HIP1: variants seen among roughly 807,000 people sequenced by gnomAD.
HIP1 encodes huntingtin-interacting protein 1.
Under a neutral mutation model 147.6 loss-of-function variants are expected in HIP1, and 65 were observed. The observed-to-expected ratio is 0.44, with a 90% CI of 0.36 to 0.54. The LOEUF (loss-of-function observed/expected upper bound fraction) is 0.54, where lower values mean the gene tolerates loss of function less well. Ranked by LOEUF, HIP1 falls within the 20% of genes least tolerant of loss-of-function variation. The pLI, the probability that HIP1 is intolerant of heterozygous loss-of-function variation, is 0.00. For synonymous variants in HIP1, 479 were observed against 504.0 expected, an observed-to-expected ratio of 0.95 and a Z score of 0.67; for missense variants, 1,061 against 1,299.6, an observed-to-expected ratio of 0.82 and a Z score of 2.82.
At chr7:75,666,217 G>A (rs1268980250) in intron 1 of HIP1, among the ~76,000 whole-genome samples, 4 of 151,606 alleles carry the variant, frequency 2.6e-5, no homozygotes, top group South Asian at 2.1e-4. Context: ...TGCCCAGGCC[G>A]GAGTGCAGTG....
At chr7:75,538,301 A>G (rs1482799582) in intron 30 of HIP1, 77 bp from the exon 31 acceptor site, 2 of 1,057,784 alleles carry the variant, frequency 1.9e-6, no homozygotes, top group Non-Finnish European at 3.0e-6. Flanking sequence ...ACCTGCCACC[A>G]TGGGGGCTCA....
intron 1 of HIP1, among the ~76,000 whole-genome samples, chr7:75,697,306 C>T (rs192849338): frequency 8.6e-5 from 13 of 151,942 alleles, no homozygotes; most frequent in Non-Finnish European, 1.5e-4. Flanking sequence ...GTGTTTTCAC[C>T]AGCAACCCCA....
intron 1 of HIP1, among the ~76,000 whole-genome samples, chr7:75,664,639 G>A (rs1799501865): frequency 6.6e-6 from 1 of 151,308 alleles, no homozygotes; most frequent in Non-Finnish European, 1.5e-5. Context: ...GACAGACAAA[G>A]TCTTGCTCCA....
intron 1 of HIP1, among the ~76,000 whole-genome samples, chr7:75,680,951 T>G (rs1800044761): frequency 6.6e-6 from 1 of 152,162 alleles, no homozygotes; most frequent in Non-Finnish European, 1.5e-5. Context: ...AATTTTTTTG[T>G]ATTTTTAGTA....
At chr7:75,700,565 CAT>C (rs782372003) in intron 1 of HIP1, among the ~76,000 whole-genome samples, 21 of 152,082 alleles carry the variant, frequency 1.4e-4, no homozygotes, top group Non-Finnish European at 2.9e-4. Context: ...TCCTGAAAAA[CAT>C]ATTTGCTGGT....
At chr7:75,655,430 A>T (rs2117198074) in intron 1 of HIP1, among the ~76,000 whole-genome samples, 1 of 152,058 alleles carries the variant, frequency 6.6e-6, no homozygotes, top group Non-Finnish European at 1.5e-5. Context: ...AATACAAAAA[A>T]AATTAGCCAG....
chr7:75,595,603 C>A (rs61557879), intron 2 of HIP1, among the ~76,000 whole-genome samples: 3 of 151,774 alleles, frequency 2.0e-5, no homozygotes, highest in South Asian at 2.1e-4. Flanking sequence ...CTTGGCCTCC[C>A]AAAGTTCTGG....
rs926406558 is a variant in HIP1, at chr7:75,582,128, C to T, written c.489G>A (p.Leu163=). The T allele has an allele frequency of 1.9e-6, 3 of 1,613,988 alleles. No homozygotes were observed. Among genetic ancestry groups the T allele is most frequent in the Non-Finnish European group, 2.5e-6 (3 of 1,179,958 alleles). ...CGTCCAGCTGGCGGTCACTCATCTGCAGGTTGCCTGGGAACCTGGGATTCT... is the reference window on the plus strand; with the variant it reads ...CGTCCAGCTGGCGGTCACTCATCTGTAGGTTGCCTGGGAACCTGGGATTCT... ...HTKNPRFPGN[L]QMSDRQLDEA... The change falls in exon 6 of 31, where the codon CTG becomes CTA. Residue 163 remains leucine, a synonymous_variant. Transcript: ENST00000336926.
intron 7 of HIP1, among the ~76,000 whole-genome samples, chr7:75,578,439 G>A (rs1392319214): frequency 2.6e-5 from 4 of 152,180 alleles, no homozygotes; most frequent in Admixed American, 2.6e-4. Context: ...ACTTTGGGAG[G>A]AAAAGGCAGG....
At chr7:75,539,623 A>G (rs963134749) in intron 29 of HIP1, among the ~76,000 whole-genome samples, 192 bp from the exon 30 acceptor site, 1 of 152,124 alleles carries the variant, frequency 6.6e-6, no homozygotes, top group African/African-American at 2.4e-5. Flanking sequence ...CCCAGCCTAC[A>G]TCTATCTTAT....
intron 1 of HIP1, among the ~76,000 whole-genome samples, chr7:75,714,460 T>C (rs1252726106): frequency 6.7e-6 from 1 of 149,638 alleles, no homozygotes; most frequent in Admixed American, 6.7e-5. Flanking sequence ...TTTTTCTTTT[T>C]TTTTTTTTTT....
rs587681851 is a variant in HIP1, at chr7:75,604,834, T to A, written c.121-5587A>T. On this transcript the variant is annotated intron_variant, in intron 1 of 30. Coordinates refer to ENST00000336926, the MANE Select transcript of HIP1 (RefSeq NM_005338.7). The stretch of plus-strand genomic sequence containing the variant: ...ACCAATTGCTCAAACTTGTGGTCAT[T>A]ATGAACCTTGCTCACACACACACGC... Among the ~76,000 whole-genome samples the A allele has an allele frequency of 6.6e-5, 10 of 152,268 alleles. No individual in the cohort carries two copies. The South Asian group carries it at 2.1e-3, about 32-fold the overall frequency.
chr7:75,693,737 T>C (rs1393510633), intron 1 of HIP1, among the ~76,000 whole-genome samples: 4 of 96,770 alleles, frequency 4.1e-5, no homozygotes, highest in African/African-American at 1.2e-4. Flanking sequence ...TAGCCAGGCA[T>C]GGTGGCGCTC....
intron 9 of HIP1, among the ~76,000 whole-genome samples, chr7:75,566,863 G>A (rs794357): frequency 6.6e-6 from 1 of 150,840 alleles, no homozygotes; most frequent in African/African-American, 2.5e-5. Flanking sequence ...GACTCGCGCC[G>A]GTAATCCCAT....
chr7:75,708,402 G>A (rs1291149454), intron 1 of HIP1, among the ~76,000 whole-genome samples: 2 of 152,114 alleles, frequency 1.3e-5, no homozygotes, highest in East Asian at 1.9e-4. Context: ...GCCTTTTGGT[G>A]TCATAGCTCA....
At chr7:75,548,309 G>A (rs587601314) in intron 23 of HIP1, among the ~76,000 whole-genome samples, 1 of 151,988 alleles carries the variant, frequency 6.6e-6, no homozygotes, top group Non-Finnish European at 1.5e-5. Context: ...ATACAGGCGT[G>A]AGCCACCACG....
At chr7:75,546,561 G>C (rs992728612) in intron 25 of HIP1, among the ~76,000 whole-genome samples, 2 of 152,254 alleles carry the variant, frequency 1.3e-5, no homozygotes, top group African/African-American at 4.8e-5. Flanking sequence ...AGTTGACTCT[G>C]CTGTTAGAAA....
rs372366718 is a variant in HIP1, at chr7:75,559,935, A to G, written c.1192-20T>C. 6.3e-7 allele frequency: 1 copy of G among 1,575,024 alleles called. No individual in the cohort carries two copies. ...CTGGCTCTGTGGGGGGACTCCGGTC[A>G]TGAGGCCAACCGCCCACTGCCACGG... On this transcript the variant is annotated intron_variant, in intron 13 of 30. Coordinates refer to ENST00000336926, the MANE Select transcript of HIP1 (RefSeq NM_005338.7).
chr7:75,732,962 C>T (rs934372182), intron 1 of HIP1, among the ~76,000 whole-genome samples: 18 of 152,292 alleles, frequency 1.2e-4, no homozygotes, highest in African/African-American at 4.1e-4. Context: ...TGCTGACTCA[C>T]GAGCCCCCCA....
Sources: allele counts gnomAD v4.1 joint callset (sites outside exome capture counted in the v4.1 genomes callset), GRCh38; gene constraint gnomAD v4.1.1; transcripts MANE v1.5; gene names NCBI Gene and HGNC (gene_info 2026-07-23, HGNC 2026-07-21).